Variants in MEFV observed in about 807,000 individuals in gnomAD.
MEFV encodes the protein MEFV innate immunity regulator, pyrin.
A neutral mutation model predicts 62.5 loss-of-function variants in MEFV; 60 were observed. The ratio of observed to expected loss-of-function variants is 0.96; its 90% CI spans 0.78 to 1.19. The LOEUF (loss-of-function observed/expected upper bound fraction) is 1.19, where lower values mean the gene tolerates loss of function less well. Among genes scored for constraint, MEFV ranks in the 50% most tolerant of loss-of-function variants. The pLI is 0.00. For missense variants in MEFV, 1,169 were observed against 1,004.5 expected (o/e 1.16, Z -2.21); for synonymous variants, 500 against 415.2 (o/e 1.20, Z -2.48).
rs11466048 is a variant in MEFV, at chr16:3,243,132, G to A, written c.*9C>T. 1.3e-3 allele frequency: 2,116 copies of A among 1,612,458 alleles called. 16 individuals are homozygous for A. In the African/African-American group the frequency reaches 0.022, roughly 17 times the overall value. On this transcript the variant is annotated 3_prime_UTR_variant, in exon 10 of 10. Coordinates refer to ENST00000219596, the MANE Select transcript of MEFV (RefSeq NM_000243.3). ...CCAGAAGCAGGAAGAGAGATGCAGTGTTGGGCATTCAGTCAGGCCCCTGAC... is the reference window on the plus strand; with the variant it reads ...CCAGAAGCAGGAAGAGAGATGCAGTATTGGGCATTCAGTCAGGCCCCTGAC...
intron 6 of MEFV, among the ~76,000 whole-genome samples, chr16:3,245,684 C>T (rs1958932226): frequency 6.6e-6 from 1 of 151,940 alleles, no homozygotes; most frequent in South Asian, 2.1e-4. Flanking sequence ...TAAGTGATGG[C>T]AAAGATGTGG....
chr16:3,246,496 CCAGGGTACACCA>C lies in MEFV; in HGVS notation c.1610+17_1610+28del. On this transcript the variant is annotated intron_variant, in intron 6 of 9. Coordinates refer to ENST00000219596, the MANE Select transcript of MEFV (RefSeq NM_000243.3). ...CCCCATATGCTTTCTGCAAGACACC[CCAGGGTACACCA>C]CAGGACCTCGCTGTACCTGTGCAAG... 1 of 1,613,972 alleles carries C rather than the reference CCAGGGTACACCA, an allele frequency of 6.2e-7. No individual in the cohort carries two copies. Among genetic ancestry groups the C allele is most frequent in the Non-Finnish European group, 8.5e-7 (1 of 1,179,914 alleles).
chr16:3,249,823 A>C, intron 2 of MEFV, 43 bp from the exon 3 acceptor site: 1 of 1,536,886 alleles, frequency 6.5e-7, no homozygotes. Flanking sequence ...GGCAAACCCA[A>C]GTTGCTTACA....
Position 3,243,403 on chromosome 16 carries a change from TTCA to T in MEFV, c.2081_2083del (p.Met694del), listed in dbSNP as rs104895091. 13 of 1,614,186 alleles carry T rather than the reference TTCA, an allele frequency of 8.1e-6. No homozygotes were observed. Among genetic ancestry groups the T allele is most frequent in the Non-Finnish European group, 1.1e-5 (13 of 1,180,032 alleles). ...GCTGGACGCCTGGTACTCATTTTCC[TTCA>T]TCATTATCACCACCCAGTAGCCATT... On this transcript the variant is annotated inframe_deletion, in exon 10 of 10. Coordinates refer to ENST00000219596, the MANE Select transcript of MEFV (RefSeq NM_000243.3).
chr16:3,246,398 A>T, intron 6 of MEFV, 127 bp downstream of exon 6: 1 of 1,078,160 alleles, frequency 9.3e-7, no homozygotes, highest in Non-Finnish European at 1.4e-6. Flanking sequence ...GCTGCAGAAA[A>T]AAGGAGGAGT....
At chr16:3,250,994 A>G (rs1959023934) in intron 2 of MEFV, among the ~76,000 whole-genome samples, 1 of 142,326 alleles carries the variant, frequency 7.0e-6, no homozygotes. Flanking sequence ...ACTGCACTCC[A>G]GTCTGGGTGA....
intron 2 of MEFV, among the ~76,000 whole-genome samples, chr16:3,251,421 GCTTGAGGACAAACT>G (rs1223517764): frequency 6.6e-6 from 1 of 152,166 alleles, no homozygotes; most frequent in Non-Finnish European, 1.5e-5. Flanking sequence ...GAGAGCAGAA[GCTTGAGGACAAACT>G]TGGTGGGACA....
In MEFV at chr16:3,256,577, G is replaced by A. The variant is rs1386260680; in HGVS notation, c.11C>T (p.Thr4Ile). MAK[T>I]PSDHLLSTLE... ...GGTGGACAGCAGATGGTCACTAGGGGTCTTAGCCATGGTGCTGAGCAGGAG... is the reference window on the plus strand; with the variant it reads ...GGTGGACAGCAGATGGTCACTAGGGATCTTAGCCATGGTGCTGAGCAGGAG... The change falls in exon 1 of 10, where the codon ACC (threonine) becomes ATC (isoleucine). Residue 4 changes from threonine (T) to isoleucine (I), a missense_variant. By Grantham distance (89) the Thr-to-Ile change is moderately conservative. Coordinates refer to ENST00000219596, the MANE Select transcript of MEFV (RefSeq NM_000243.3). 1.9e-6 allele frequency: 3 copies of A among 1,614,216 alleles called. No homozygotes were observed. The highest frequency in any genetic ancestry group is 1.3e-5 in the African/African-American group (1 of 75,052).
In MEFV at chr16:3,248,722, G is replaced by A. The variant is rs1021936300; in HGVS notation, c.1356+187C>T. 12 of 985,040 alleles carry A rather than the reference G, an allele frequency of 1.2e-5. No homozygotes were observed. In the African/African-American group the frequency reaches 1.6e-4, roughly 13 times the overall value. 61.0% of individuals were successfully genotyped at this position (985,040 alleles called of 1,614,324 possible). On this transcript the variant is annotated intron_variant, in intron 4 of 9. Transcript: ENST00000219596. ...GACAGGATCCTCAGAGGTGACCCCT[G>A]CCTGCTGGGGGTGGTCTCCCTCTAC... is the stretch of plus-strand genomic sequence containing the variant.
chr16:3,247,097 T>C lies in MEFV; in HGVS notation c.1506A>G (p.Val502=), dbSNP rs1235496518. Residue 502 remains valine, a synonymous_variant, in exon 5 of 10, where the codon GTA becomes GTG. Coordinates refer to ENST00000219596, the MANE Select transcript of MEFV (RefSeq NM_000243.3). The part of the protein sequence containing the change: ...GQIRKAYDTR[V]SQDIALLDAL... ...CATCGAGCAGGGCGATGTCCTGGGA[T>C]ACGCGGGTGTCATATGCCTTCCTGA... The C allele has an allele frequency of 1.2e-5, 20 of 1,614,174 alleles. No individual in the cohort carries two copies. The highest frequency in any genetic ancestry group is 1.7e-5 in the Non-Finnish European group (20 of 1,180,022).
chr16:3,245,731 T>A (rs539446677), intron 6 of MEFV, among the ~76,000 whole-genome samples: 1 of 152,222 alleles, frequency 6.6e-6, no homozygotes, highest in African/African-American at 2.4e-5. Context: ...GGTGGGAATG[T>A]GAAGCGATGC....
rs1204951926 is a variant in MEFV, at chr16:3,256,435, C to T, written c.153G>A (p.Val51=). Residue 51 remains valine (V), a synonymous_variant, in exon 1 of 10, where the codon GTG becomes GTA. Transcript: ENST00000219596. ...AGGTGACCAGCAGAGTGGCCATCTT[C>T]ACCGGCCTGGCTCTCTGGATCTGGC... is the stretch of plus-strand genomic sequence containing the variant. ...PRSQIQRARP[V]KMATLLVTYY... 3 of 1,614,254 alleles carry T rather than the reference C, an allele frequency of 1.9e-6. No homozygotes were observed. The highest frequency in any genetic ancestry group is 2.5e-6 in the Non-Finnish European group (3 of 1,180,052).
intron 2 of MEFV, among the ~76,000 whole-genome samples, chr16:3,251,023 C>CAAAAAAA (rs58529756): frequency 6.9e-4 from 34 of 49,334 alleles, no homozygotes; most frequent in Middle Eastern, 0.011. Context: ...GACTCCATCT[C>CAAAAAAA]AAAAAAAAAA....
chr16:3,243,286 A>G lies in MEFV; in HGVS notation c.2201T>C (p.Val734Ala). 6.2e-7 allele frequency: 1 copy of G among 1,614,192 alleles called. No homozygotes were observed. Among genetic ancestry groups the G allele is most frequent in the Non-Finnish European group, 8.5e-7 (1 of 1,180,048 alleles). The change falls in exon 10 of 10, where the codon GTG becomes GCG. Residue 734 changes from valine to alanine, a missense_variant. By Grantham distance (64) the Val-to-Ala change is moderately conservative. Transcript: ENST00000219596. Reference protein sequence around the residue: ...YRVGSISFYNVTARSHIYTFA... With the variant: ...YRVGSISFYNATARSHIYTFA... ...TGTATAGATGTGGGATCTGGCTGTCACATTGTAAAAGGAGATGCTTCCAAC... is the reference window on the plus strand; with the variant it reads ...TGTATAGATGTGGGATCTGGCTGTCGCATTGTAAAAGGAGATGCTTCCAAC...
intron 6 of MEFV, 119 bp downstream of exon 6, chr16:3,246,406 A>G: frequency 1.8e-6 from 2 of 1,122,810 alleles, no homozygotes; most frequent in Non-Finnish European, 2.7e-6. Context: ...AAAAAGGAGG[A>G]GTCTGGAATC....
chr16:3,246,332 GCCTC>G (rs1958941986), intron 6 of MEFV, 189 bp downstream of exon 6: 1 of 635,764 alleles, frequency 1.6e-6, no homozygotes, highest in Admixed American at 2.7e-5. Context: ...TACCCGGCCA[GCCTC>G]CCTGCTGACC....
At chr16:3,244,345 G>C (rs2141666190) in intron 7 of MEFV, 59 bp from the exon 8 acceptor site, 1 of 1,612,238 alleles carries the variant, frequency 6.2e-7, no homozygotes, top group Non-Finnish European at 8.5e-7. Context: ...GCCAGGGACA[G>C]ATGGAGGAGA....
intron 2 of MEFV, among the ~76,000 whole-genome samples, chr16:3,250,549 C>T (rs1959016215): frequency 6.6e-6 from 1 of 151,540 alleles, no homozygotes; most frequent in Admixed American, 6.6e-5. Flanking sequence ...GTTGATGCTG[C>T]ACCACTGCAC....
rs1958959313 is a variant in MEFV at position 3,247,414 on chromosome 16, G to T, written c.1357-168C>A. 12 of 618,156 alleles carry T rather than the reference G, an allele frequency of 1.9e-5. No homozygotes were observed. In the South Asian group the frequency reaches 2.3e-4, roughly 12 times the overall value. 38.3% of individuals were successfully genotyped at this position (618,156 alleles called of 1,614,324 possible). On this transcript the variant is annotated intron_variant, in intron 4 of 9. Transcript: ENST00000219596. ...AGGCGATATTGTCTGGAACCTTCCA[G>T]AAAAGACTGAGCATGGCTGGGGCTA...
Sources: allele counts gnomAD v4.1 joint callset (sites outside exome capture counted in the v4.1 genomes callset), GRCh38; gene constraint gnomAD v4.1.1; transcripts MANE v1.5; gene names NCBI Gene and HGNC (gene_info 2026-07-23, HGNC 2026-07-21).